The following DIAPH2 variants were observed in gnomAD, a reference collection of about 807,000 sequenced individuals.
DIAPH2 encodes the protein protein diaphanous homolog 2.
Under a neutral mutation model 92.7 loss-of-function variants are expected in DIAPH2, and 35 were observed. That is an observed-to-expected ratio of 0.38 (90% CI 0.29 to 0.50). The LOEUF (loss-of-function observed/expected upper bound fraction) is 0.50. Among genes scored for constraint, DIAPH2 ranks in the 20% least tolerant of loss-of-function variants. DIAPH2 has a pLI of 0.94. For synonymous variants in DIAPH2, 301 were observed against 280.4 expected, an observed-to-expected ratio of 1.07 and a Z score of -0.73; for missense variants, 701 against 819.5, an observed-to-expected ratio of 0.86 and a Z score of 1.77.
chrX:97,224,762 G>T (rs1443366393), intron 22 of DIAPH2, among the ~76,000 whole-genome samples: 1 of 111,528 alleles, frequency 9.0e-6, no homozygotes, highest in Non-Finnish European at 1.9e-5. Flanking sequence ...GCTAAGAATC[G>T]AAAATGATCT....
chrX:96,744,421 A>G (rs771955626), intron 3 of DIAPH2, among the ~76,000 whole-genome samples: 2 of 112,606 alleles, frequency 1.8e-5, no homozygotes, highest in African/African-American at 6.4e-5. Context: ...ATTTAGGTAC[A>G]TAAAAATCTA....
intron 17 of DIAPH2, among the ~76,000 whole-genome samples, chrX:96,980,556 G>A (rs979663010): frequency 9.0e-6 from 1 of 110,702 alleles, no homozygotes; most frequent in African/African-American, 3.3e-5. Flanking sequence ...AGTTTTCACT[G>A]TGGGCCATGG....
intron 25 of DIAPH2, among the ~76,000 whole-genome samples, chrX:97,397,359 TTA>T (rs1569385084): frequency 1.4e-4 from 1 of 7,100 alleles, no homozygotes; most frequent in East Asian, 1. Flanking sequence ...TAAATGTACT[TTA>T]AAAAAAAAAA....
At chrX:96,808,786 G>T (rs1374774728) in intron 4 of DIAPH2, among the ~76,000 whole-genome samples, 1 of 111,468 alleles carries the variant, frequency 9.0e-6, no homozygotes, top group Non-Finnish European at 1.9e-5. Flanking sequence ...GACTTTTTAA[G>T]GATACTACCT....
chrX:97,008,265 G>A (rs921439593), intron 17 of DIAPH2, among the ~76,000 whole-genome samples: 4 of 109,028 alleles, frequency 3.7e-5, no homozygotes, highest in Non-Finnish European at 7.6e-5. Context: ...TCGATTATTT[G>A]TAATTATTTA....
At chrX:96,981,379 T>A (rs1326475501) in intron 17 of DIAPH2, among the ~76,000 whole-genome samples, 1 of 111,502 alleles carries the variant, frequency 9.0e-6, no homozygotes, top group African/African-American at 3.3e-5. Flanking sequence ...CTAAGTAAAA[T>A]TTTTAATTTC....
chrX:97,553,350 C>G (rs1419239545), intron 26 of DIAPH2, among the ~76,000 whole-genome samples: 1 of 111,449 alleles, frequency 9.0e-6, no homozygotes, highest in Non-Finnish European at 1.9e-5. Context: ...GGATGTTGTT[C>G]ACATACCACA....
At chrX:96,980,294 A>G (rs2065987186) in intron 17 of DIAPH2, among the ~76,000 whole-genome samples, 1 of 111,003 alleles carries the variant, frequency 9.0e-6, no homozygotes, top group Non-Finnish European at 1.9e-5. Flanking sequence ...TGGGAAAGGG[A>G]TGGAGCAGGA....
chrX:97,162,790 C>T (rs958016018), intron 22 of DIAPH2, among the ~76,000 whole-genome samples: 1 of 112,006 alleles, frequency 8.9e-6, no homozygotes, highest in Non-Finnish European at 1.9e-5. Flanking sequence ...GATGGTATTA[C>T]AGACATGAGC....
chrX:97,106,491 C>T (rs1259961622), intron 20 of DIAPH2, among the ~76,000 whole-genome samples: 1 of 111,574 alleles, frequency 9.0e-6, no homozygotes, highest in Non-Finnish European at 1.9e-5. Flanking sequence ...AAAATAAAAC[C>T]ACCTGAAAAT....
At chrX:96,963,924 A>G (rs900486416) in intron 16 of DIAPH2, among the ~76,000 whole-genome samples, 9 of 110,951 alleles carry the variant, frequency 8.1e-5, no homozygotes, top group Non-Finnish European at 1.7e-4. Flanking sequence ...ACTTTCAAAT[A>G]GTGTGGAATA....
intron 26 of DIAPH2, among the ~76,000 whole-genome samples, chrX:97,583,910 T>C (rs752596194): frequency 8.9e-6 from 1 of 112,510 alleles, no homozygotes; most frequent in South Asian, 3.7e-4. Context: ...AAAAGCGCAG[T>C]ATTCGGGTGG....
chrX:97,496,009 G>GTGA (rs1334419705), intron 26 of DIAPH2, among the ~76,000 whole-genome samples: 1 of 110,624 alleles, frequency 9.0e-6, no homozygotes, highest in African/African-American at 3.3e-5. Context: ...GAAAGAAGCT[G>GTGA]TGATTGTTTT....
At chrX:97,437,938 TAA>T (rs2070205275) in intron 26 of DIAPH2, among the ~76,000 whole-genome samples, 1 of 105,797 alleles carries the variant, frequency 9.5e-6, no homozygotes, top group Non-Finnish European at 1.9e-5. Context: ...ATTTAAGAGG[TAA>T]ATAGAGAAAT....
chrX:96,924,161 G>C (rs985988415), intron 9 of DIAPH2, among the ~76,000 whole-genome samples: 2 of 111,591 alleles, frequency 1.8e-5, no homozygotes, highest in Admixed American at 1.9e-4. Context: ...AAGAAAACAA[G>C]GCATCGAGGC....
chrX:97,183,164 G>T (rs2067553726), intron 22 of DIAPH2, among the ~76,000 whole-genome samples: 1 of 111,415 alleles, frequency 9.0e-6, no homozygotes, highest in Non-Finnish European at 1.9e-5. Flanking sequence ...GTTTTTATTG[G>T]GGTATAAGAC....
chrX:96,831,243 T>G (rs2064852902), intron 4 of DIAPH2, among the ~76,000 whole-genome samples: 1 of 111,866 alleles, frequency 8.9e-6, no homozygotes, highest in Non-Finnish European at 1.9e-5. Context: ...AACTTCCCAC[T>G]ACAAAGTAGC....
At chrX:97,539,300 C>A (rs1212151163) in intron 26 of DIAPH2, among the ~76,000 whole-genome samples, 2 of 105,631 alleles carry the variant, frequency 1.9e-5, no homozygotes, top group Non-Finnish European at 3.9e-5. Flanking sequence ...AGTAGATCTC[C>A]CAGAGAGGTC....
intron 4 of DIAPH2, among the ~76,000 whole-genome samples, chrX:96,782,490 G>T (rs1335109425): frequency 8.9e-6 from 1 of 111,756 alleles, no homozygotes; most frequent in African/African-American, 3.3e-5. Context: ...GTAGAGACGG[G>T]GTTTCACCGT....
Sources: allele counts gnomAD v4.1 joint callset (sites outside exome capture counted in the v4.1 genomes callset), GRCh38; gene constraint gnomAD v4.1.1; transcripts MANE v1.5; gene names NCBI Gene and HGNC (gene_info 2026-07-23, HGNC 2026-07-21).